The following FMN1 variants were observed in gnomAD, a reference collection of about 807,000 sequenced individuals.
The protein encoded by FMN1 is formin-1.
Under a neutral mutation model 132.4 loss-of-function variants are expected in FMN1, and 110 were observed. The observed-to-expected ratio is 0.83, with a 90% CI of 0.71 to 0.97. The LOEUF is 0.97. FMN1 is among the 50% of genes least tolerant of loss of function. FMN1 has a pLI of 0.00. For missense variants in FMN1, 1,792 were observed against 1,705.3 expected, an observed-to-expected ratio of 1.05 and a Z score of -0.90; for synonymous variants, 722 against 651.7, an observed-to-expected ratio of 1.11 and a Z score of -1.64.
Position 32,772,973 on chromosome 15 carries a change from C to A in FMN1, c.*1337G>T, listed in dbSNP as rs1418293749. The A allele has an allele frequency of 6.7e-6, 1 of 148,596 alleles. No homozygotes were observed. The highest frequency in any genetic ancestry group is 1.5e-5 in the Non-Finnish European group (1 of 66,814). 9.2% of individuals were successfully genotyped at this position (148,596 alleles called of 1,614,324 possible). ...TGCTCATCTCTGGACTGTCCTCCAC[C>A]AATTGGGGGGAGAAAGCTCGGCCTC... On this transcript the variant is annotated 3_prime_UTR_variant, in exon 21 of 21. Transcript: ENST00000616417.
At chr15:32,846,322 A>T (rs2141238674) in intron 17 of FMN1, among the ~76,000 whole-genome samples, 1 of 152,344 alleles carries the variant, frequency 6.6e-6, no homozygotes, top group African/African-American at 2.4e-5. Flanking sequence ...AAATTTTTGC[A>T]ATCTACCCAT....
chr15:33,046,884 C>G (rs550932719), intron 6 of FMN1, among the ~76,000 whole-genome samples: 1 of 152,246 alleles, frequency 6.6e-6, no homozygotes, highest in African/African-American at 2.4e-5. Flanking sequence ...GTGTGTCTTT[C>G]TGCACGGTTC....
chr15:33,122,513 T>C (rs1962663112), intron 4 of FMN1, among the ~76,000 whole-genome samples: 1 of 152,224 alleles, frequency 6.6e-6, no homozygotes, highest in African/African-American at 2.4e-5. Context: ...GTATACCTTC[T>C]AGATGTCCCA....
In FMN1 at chr15:32,858,996, A is replaced by G. The variant is rs183756503; in HGVS notation, c.3836-1889T>C. ...GAGAGAGTAGATAGAGCTGGGATAT[A>G]TTTTGCAGGTGTAACAAATAGGTCT... On this transcript the variant is annotated intron_variant, in intron 16 of 20. Coordinates refer to ENST00000616417, the MANE Select transcript of FMN1 (RefSeq NM_001277313.2). Among the ~76,000 whole-genome samples, 5 of 152,290 alleles carry G rather than the reference A, an allele frequency of 3.3e-5. No individual in the cohort carries two copies. The East Asian group carries it at 9.6e-4, about 29-fold the overall frequency.
chr15:32,996,250 G>C (rs2033763243), intron 7 of FMN1, among the ~76,000 whole-genome samples: 2 of 152,192 alleles, frequency 1.3e-5, no homozygotes, highest in Non-Finnish European at 2.9e-5. Context: ...ATTTCTTCAA[G>C]ACCACACATC....
chr15:32,791,447 T>C (rs1221762832), intron 19 of FMN1, among the ~76,000 whole-genome samples: 1 of 152,132 alleles, frequency 6.6e-6, no homozygotes, highest in Non-Finnish European at 1.5e-5. Context: ...TAATTATCTT[T>C]CCTTTATTTC....
chr15:32,825,215 C>G (rs2058334002), intron 17 of FMN1, among the ~76,000 whole-genome samples: 1 of 152,230 alleles, frequency 6.6e-6, no homozygotes, highest in African/African-American at 2.4e-5. Context: ...TTTGTCTACA[C>G]AGCAACCAGA....
chr15:33,123,373 G>A (rs1359420774), intron 4 of FMN1, among the ~76,000 whole-genome samples: 1 of 152,032 alleles, frequency 6.6e-6, no homozygotes, highest in South Asian at 2.1e-4. Flanking sequence ...GGCATTCAAA[G>A]CCTACTGCAC....
At position 32,856,334 on chromosome 15, in the gene FMN1, T is replaced by C. The variant is rs1295806962; in HGVS notation, c.3928+681A>G. On this transcript the variant is annotated intron_variant, in intron 17 of 20. Coordinates refer to ENST00000616417, the MANE Select transcript of FMN1 (RefSeq NM_001277313.2). ...ACATCTTAAGTTAAATTTGAGAAAT[T>C]AGAATAGGAATTATCTAAAAGACAT... is the stretch of plus-strand genomic sequence containing the variant. 2.6e-5 allele frequency among the ~76,000 whole-genome samples: 4 copies of C among 152,312 alleles called. No homozygotes were observed. The South Asian group carries it at 8.3e-4, about 32-fold the overall frequency.
intron 7 of FMN1, among the ~76,000 whole-genome samples, chr15:32,992,270 T>C (rs1352532791): frequency 6.6e-6 from 1 of 152,184 alleles, no homozygotes; most frequent in Non-Finnish European, 1.5e-5. Context: ...GGTCCTGTAT[T>C]GTATCCATCA....
chr15:32,867,553 G>A (rs1446609632), intron 16 of FMN1, among the ~76,000 whole-genome samples: 1 of 150,956 alleles, frequency 6.6e-6, no homozygotes, highest in Non-Finnish European at 1.5e-5. Flanking sequence ...ACCCAGGCTG[G>A]AGTGCAGTCG....
intron 9 of FMN1, among the ~76,000 whole-genome samples, chr15:32,959,365 T>G (rs1309414601): frequency 6.6e-6 from 1 of 152,190 alleles, no homozygotes; most frequent in East Asian, 1.9e-4. Context: ...CATCTTGATG[T>G]TGGAAATCTG....
intron 17 of FMN1, among the ~76,000 whole-genome samples, chr15:32,824,589 C>CTA (rs769664274): frequency 6.6e-6 from 1 of 152,100 alleles, no homozygotes; most frequent in Non-Finnish European, 1.5e-5. Flanking sequence ...GGCCCGCTCT[C>CTA]TAGACTCTTT....
At chr15:32,831,967 G>A (rs1237438702) in intron 17 of FMN1, among the ~76,000 whole-genome samples, 1 of 152,100 alleles carries the variant, frequency 6.6e-6, no homozygotes, top group East Asian at 1.9e-4. Context: ...GTGAACTTTT[G>A]TAACTCTTTA....
chr15:32,791,627 T>TA (rs1185383654), intron 19 of FMN1, among the ~76,000 whole-genome samples: 4 of 152,148 alleles, frequency 2.6e-5, no homozygotes, highest in African/African-American at 9.7e-5. Context: ...TGAGAGATGA[T>TA]AGAGTCCTGA....
At chr15:33,112,408 T>C (rs967797017) in intron 4 of FMN1, among the ~76,000 whole-genome samples, 1 of 152,196 alleles carries the variant, frequency 6.6e-6, no homozygotes, top group Non-Finnish European at 1.5e-5. Flanking sequence ...GTACTAGTTT[T>C]CTTACATAAT....
rs542816801 is a variant in FMN1 at position 32,772,051 on chromosome 15, C to A, written c.*2259G>T. The A allele has an allele frequency of 6.6e-6, 1 of 152,214 alleles. No individual in the cohort carries two copies. The highest frequency in any genetic ancestry group is 1.5e-5 in the Non-Finnish European group (1 of 68,044). 9.4% of individuals were successfully genotyped at this position (152,214 alleles called of 1,614,324 possible). A position where few individuals can be genotyped will look rare whatever the true frequency, so the allele number is the denominator to read the frequency against. Reference sequence around the variant, plus strand: ...TGACAAAACCACTAGGTTTCCCCAACCGAGGCAGGCAAACCTTGCTTTGTA... The same window carrying A: ...TGACAAAACCACTAGGTTTCCCCAAACGAGGCAGGCAAACCTTGCTTTGTA... On this transcript the variant is annotated 3_prime_UTR_variant, in exon 21 of 21. Coordinates refer to ENST00000616417, the MANE Select transcript of FMN1 (RefSeq NM_001277313.2).
intron 6 of FMN1, among the ~76,000 whole-genome samples, chr15:33,055,159 T>C (rs2037159786): frequency 6.6e-6 from 1 of 152,198 alleles, no homozygotes; most frequent in South Asian, 2.1e-4. Flanking sequence ...TGAAGCCTGC[T>C]ATCTGGAGGC....
chr15:33,079,525 A>G (rs1280728395), intron 5 of FMN1, among the ~76,000 whole-genome samples: 1 of 152,232 alleles, frequency 6.6e-6, no homozygotes, highest in Non-Finnish European at 1.5e-5. Context: ...TGGGAGGCTG[A>G]GGCAGGAGAA....
Sources: gnomAD v4.1 joint callset for allele counts (sites outside exome capture counted in the v4.1 genomes callset) on GRCh38, gnomAD v4.1.1 for gene constraint, MANE v1.5 for transcripts, NCBI Gene and HGNC (gene_info 2026-07-23, HGNC 2026-07-21) for gene names.